Variants in SMPD4 observed in about 807,000 individuals in gnomAD.
The protein encoded by SMPD4 is neutral sphingomyelinase 3.
Under a neutral mutation model 97.8 loss-of-function variants are expected in SMPD4, and 58 were observed. That is an observed-to-expected ratio of 0.59 (90% CI 0.48 to 0.74). The LOEUF (loss-of-function observed/expected upper bound fraction) is 0.74, where lower values mean the gene tolerates loss of function less well. Ranked by LOEUF, SMPD4 falls within the 30% of genes least tolerant of loss-of-function variation. The pLI is 0.00. For synonymous variants in SMPD4, 388 were observed against 450.0 expected, an observed-to-expected ratio of 0.86 and a Z score of 1.74; for missense variants, 853 against 1,080.5, an observed-to-expected ratio of 0.79 and a Z score of 2.95.
rs748821277 is a variant in SMPD4 at position 130,155,415 on chromosome 2, C to T, written c.1290-156G>A. On this transcript the variant is annotated intron_variant, in intron 14 of 19. Coordinates refer to ENST00000680298, the MANE Select transcript of SMPD4 (RefSeq NM_017951.5). Reference sequence around the variant, plus strand: ...TCACAGATGACAGCTCAGGGGGCCACGGGCAGGCAGGGAGGACAGGACAGA... The same window carrying T: ...TCACAGATGACAGCTCAGGGGGCCATGGGCAGGCAGGGAGGACAGGACAGA... 3.9e-5 allele frequency among the ~76,000 whole-genome samples: 6 copies of T among 152,038 alleles called. No individual in the cohort carries two copies. In the South Asian group the frequency reaches 8.3e-4, roughly 21 times the overall value.
chr2:130,161,053 C>G, intron 11 of SMPD4, 133 bp downstream of exon 11: 1 of 787,608 alleles, frequency 1.3e-6, no homozygotes, highest in Non-Finnish European at 2.1e-6. Flanking sequence ...ACCCCTGCCT[C>G]CCCCCGACAC....
chr2:130,178,263 G>A (rs1161681762), intron 1 of SMPD4, among the ~76,000 whole-genome samples: 3 of 152,146 alleles, frequency 2.0e-5, no homozygotes, highest in African/African-American at 4.8e-5. Context: ...ACAACAACCC[G>A]ATGGGTACAG....
chr2:130,173,619 A>T lies in SMPD4; in HGVS notation c.164T>A (p.Ile55Asn). The change falls in exon 4 of 20, where the codon ATT (isoleucine) becomes AAT (asparagine). Residue 55 changes from isoleucine (I) to asparagine (N), a missense_variant. Physicochemically the swap from Ile to Asn is moderately radical, Grantham distance 149. Coordinates refer to ENST00000680298, the MANE Select transcript of SMPD4 (RefSeq NM_017951.5). ...GAGGACACCATCTAGGCTGCCAAAA[A>T]TGCTTTCTACCAGCCATGGGAAGAT... Reference protein sequence around the residue: ...HTIFPWLVESIFGSLDGVLVG... With the variant: ...HTIFPWLVESNFGSLDGVLVG... 4 of 1,613,806 alleles carry T rather than the reference A, an allele frequency of 2.5e-6. No individual in the cohort carries two copies. Among genetic ancestry groups the T allele is most frequent in the Non-Finnish European group, 3.4e-6 (4 of 1,179,828 alleles).
At position 130,151,604 on chromosome 2, in the gene SMPD4, C is replaced by G. The variant is rs1418888149; in HGVS notation, c.*951G>C. On this transcript the variant is annotated 3_prime_UTR_variant, in exon 20 of 20. Coordinates refer to ENST00000680298, the MANE Select transcript of SMPD4 (RefSeq NM_017951.5). ...TGGTTTGGAAATCACCACTGAGATG[C>G]TGTTCTCCCTCGCATGTCGCCTGTG... 6.7e-6 allele frequency: 1 copy of G among 148,242 alleles called. No homozygotes were observed. Among genetic ancestry groups the G allele is most frequent in the African/African-American group, 2.5e-5 (1 of 39,444 alleles). 9.2% of individuals were successfully genotyped at this position (148,242 alleles called of 1,614,324 possible). A position where few individuals can be genotyped will look rare whatever the true frequency, so the allele number is the denominator to read the frequency against.
intron 12 of SMPD4, 68 bp downstream of exon 12, chr2:130,157,183 G>A (rs1686894027): frequency 6.5e-7 from 1 of 1,546,264 alleles, no homozygotes; most frequent in South Asian, 1.2e-5. Context: ...AGAGGTCGCT[G>A]TGGGCGACAC....
intron 9 of SMPD4, 28 bp downstream of exon 9, chr2:130,167,430 A>G (rs1287908425): frequency 1.2e-6 from 2 of 1,612,032 alleles, no homozygotes; most frequent in East Asian, 2.2e-5. Flanking sequence ...CTGGCTGAAC[A>G]GTTTCTTTTG....
chr2:130,151,693 A>C lies in SMPD4; in HGVS notation c.*862T>G, dbSNP rs1467834024. On this transcript the variant is annotated 3_prime_UTR_variant, in exon 20 of 20. Coordinates refer to ENST00000680298, the MANE Select transcript of SMPD4 (RefSeq NM_017951.5). ...AGAGAATCTGTAGTTGTATATTTTGAATACTTAAGTACCACTGAACGGTTG... is the reference window on the plus strand; with the variant it reads ...AGAGAATCTGTAGTTGTATATTTTGCATACTTAAGTACCACTGAACGGTTG... The C allele has an allele frequency of 6.7e-6, 1 of 148,850 alleles. No individual in the cohort carries two copies. The highest frequency in any genetic ancestry group is 6.8e-5 in the Admixed American group (1 of 14,780). The allele number at this position is 148,850 out of a possible 1,614,324, so 9.2% of individuals were successfully genotyped here.
At chr2:130,166,217 G>A (rs534576182) in intron 9 of SMPD4, among the ~76,000 whole-genome samples, 22 of 149,686 alleles carry the variant, frequency 1.5e-4, no homozygotes, top group South Asian at 1.3e-3. Flanking sequence ...GCTGAGGCGG[G>A]AGAATCACCT....
At chr2:130,158,322 T>C (rs1363158285) in intron 11 of SMPD4, 2 of 1,137,806 alleles carry the variant, frequency 1.8e-6, no homozygotes, top group African/African-American at 3.3e-5. Context: ...GGCCAAACTT[T>C]TTTTTTTTTT....
intron 12 of SMPD4, chr2:130,156,883 C>A: frequency 7.3e-7 from 1 of 1,376,242 alleles, no homozygotes; most frequent in South Asian, 1.3e-5. Context: ...CGCAGGCGGC[C>A]GAGTCAGCAC....
At chr2:130,157,663 A>AAGAC (rs1022981749) in intron 11 of SMPD4, 17 of 600,268 alleles carry the variant, frequency 2.8e-5, no homozygotes, top group African/African-American at 2.4e-4. Context: ...AGGCCTCACT[A>AAGAC]AGACAGACAC....
chr2:130,177,194 C>A (rs1373131253), intron 1 of SMPD4, among the ~76,000 whole-genome samples: 1 of 152,218 alleles, frequency 6.6e-6, no homozygotes, highest in East Asian at 1.9e-4. Flanking sequence ...GATCCTCCTG[C>A]GTCAGCCTCC....
At position 130,152,080 on chromosome 2, in the gene SMPD4, C is replaced by T. The variant is rs1034662868; in HGVS notation, c.*475G>A. 2 of 155,788 alleles carry T rather than the reference C, an allele frequency of 1.3e-5. No homozygotes were observed. Among genetic ancestry groups the T allele is most frequent in the African/African-American group, 4.8e-5 (2 of 41,522 alleles). The allele number at this position is 155,788 out of a possible 1,614,324, so 9.7% of individuals were successfully genotyped here. The stretch of plus-strand genomic sequence containing the variant: ...TCTCACAACTCTAGAAACTTTGATT[C>T]TTTCCTGGAGTGGAGACTTAAGCCA... On this transcript the variant is annotated 3_prime_UTR_variant, in exon 20 of 20. Transcript: ENST00000680298.
intron 3 of SMPD4, 120 bp from the exon 4 acceptor site, chr2:130,173,776 TG>T: frequency 7.4e-7 from 1 of 1,346,960 alleles, no homozygotes; most frequent in South Asian, 1.3e-5. Context: ...CTAAGACCTA[TG>T]GGATCAGCCC....
chr2:130,167,328 C>G, intron 9 of SMPD4, 130 bp downstream of exon 9: 1 of 1,282,608 alleles, frequency 7.8e-7, no homozygotes, highest in East Asian at 2.5e-5. Context: ...ACCATGCTGG[C>G]CAGGTTGGTC....
At chr2:130,172,068 C>T (rs113327220) in intron 8 of SMPD4, among the ~76,000 whole-genome samples, 24 of 152,184 alleles carry the variant, frequency 1.6e-4, no homozygotes, top group African/African-American at 4.3e-4. Context: ...CCTGTGGGGA[C>T]GGCTGCTCCA....
chr2:130,154,262 C>A lies in SMPD4; in HGVS notation c.1659+15G>T. The stretch of plus-strand genomic sequence containing the variant: ...CTCCAGGGGCCCTGAGGACAGGCAC[C>A]GCCGAACCACTCACCAGGGTGCGGG... On this transcript the variant is annotated intron_variant, in intron 16 of 19. Coordinates refer to ENST00000680298, the MANE Select transcript of SMPD4 (RefSeq NM_017951.5). The A allele has an allele frequency of 6.3e-7, 1 of 1,575,826 alleles. No homozygotes were observed. Among genetic ancestry groups the A allele is most frequent in the South Asian group, 1.2e-5 (1 of 84,172 alleles).
chr2:130,153,598 G>T (rs1052948125), intron 17 of SMPD4, 104 bp downstream of exon 17: 10 of 1,550,970 alleles, frequency 6.4e-6, no homozygotes, highest in Admixed American at 3.6e-5. Context: ...GGGTCCATAT[G>T]TGTGGGGCCT....
At chr2:130,178,043 T>C (rs1689140729) in intron 1 of SMPD4, among the ~76,000 whole-genome samples, 1 of 152,162 alleles carries the variant, frequency 6.6e-6, no homozygotes, top group Non-Finnish European at 1.5e-5. Flanking sequence ...AGACCTTAGT[T>C]CTACAACTCC....
Sources: allele counts gnomAD v4.1 joint callset (sites outside exome capture counted in the v4.1 genomes callset), GRCh38; gene constraint gnomAD v4.1.1; transcripts MANE v1.5; gene names NCBI Gene and HGNC (gene_info 2026-07-23, HGNC 2026-07-21).